The following ABLIM3 variants were observed in gnomAD, a reference collection of about 807,000 sequenced individuals.
ABLIM3 encodes actin-binding LIM protein 3.
Under a neutral mutation model 109.5 loss-of-function variants are expected in ABLIM3, and 61 were observed. The observed-to-expected ratio is 0.56, with a 90% CI of 0.45 to 0.69. The LOEUF is 0.69. Among genes scored for constraint, ABLIM3 ranks in the 30% least tolerant of loss-of-function variants. The pLI, the probability that ABLIM3 is intolerant of heterozygous loss-of-function variation, is 0.00. For synonymous variants in ABLIM3, 300 were observed against 324.8 expected (o/e 0.92, Z 0.82); for missense variants, 796 against 889.5 (o/e 0.89, Z 1.34).
chr5:149,239,178 T>C, intron 11 of ABLIM3, 70 bp from the exon 12 acceptor site: 1 of 1,501,450 alleles, frequency 6.7e-7, no homozygotes. Context: ...CCATGCTCTG[T>C]CCTTCGTCTC....
At chr5:149,180,812 C>G (rs1305335706) in intron 2 of ABLIM3, among the ~76,000 whole-genome samples, 2 of 152,166 alleles carry the variant, frequency 1.3e-5, no homozygotes, top group Non-Finnish European at 2.9e-5. Flanking sequence ...CTACTGCAGC[C>G]CCAGAAAATT....
At chr5:149,156,237 CT>C (rs1179582245) in intron 2 of ABLIM3, among the ~76,000 whole-genome samples, 6 of 152,328 alleles carry the variant, frequency 3.9e-5, no homozygotes, top group South Asian at 2.1e-4. Context: ...AGAAGTTGAG[CT>C]ATAGAATCAG....
chr5:149,252,874 G>A, intron 23 of ABLIM3, 37 bp downstream of exon 23: 1 of 1,558,996 alleles, frequency 6.4e-7, no homozygotes, highest in Non-Finnish European at 8.8e-7. Flanking sequence ...TCTTGGGTTG[G>A]AAGAAATTTC....
intron 22 of ABLIM3, 136 bp from the exon 23 acceptor site, chr5:149,252,621 G>A (rs1754040808): frequency 4.2e-6 from 3 of 705,972 alleles, no homozygotes; most frequent in Non-Finnish European, 4.9e-6. Context: ...CCCAAGAAGG[G>A]CAGATCCAGC....
chr5:149,144,206 A>C (rs910209849), intron 2 of ABLIM3, among the ~76,000 whole-genome samples: 4 of 152,330 alleles, frequency 2.6e-5, no homozygotes, highest in African/African-American at 9.6e-5. Context: ...TGAACAGAGG[A>C]GAATGGCTCA....
At chr5:149,234,034 A>G (rs1430028779) in intron 10 of ABLIM3, among the ~76,000 whole-genome samples, 1 of 152,236 alleles carries the variant, frequency 6.6e-6, no homozygotes, top group Non-Finnish European at 1.5e-5. Flanking sequence ...GGAAATGGTG[A>G]TGAACTACAC....
intron 8 of ABLIM3, chr5:149,220,492 T>G (rs1760532537): frequency 6.6e-6 from 1 of 152,064 alleles, no homozygotes; most frequent in Non-Finnish European, 1.5e-5. Flanking sequence ...CCTGAAAGGA[T>G]GCTAAGTGAT....
At chr5:149,158,365 T>C (rs887470633) in intron 2 of ABLIM3, among the ~76,000 whole-genome samples, 1 of 152,158 alleles carries the variant, frequency 6.6e-6, no homozygotes, top group Non-Finnish European at 1.5e-5. Context: ...AAAAAGTTAA[T>C]ATGGCAGAAA....
chr5:149,183,972 T>TG (rs1491546144), intron 3 of ABLIM3, among the ~76,000 whole-genome samples: 7 of 54,566 alleles, frequency 1.3e-4, no homozygotes, highest in South Asian at 1.2e-3. Flanking sequence ...TGTTTTTTGG[T>TG]TTTTTTTTTT....
intron 11 of ABLIM3, among the ~76,000 whole-genome samples, chr5:149,238,744 C>G (rs186561264): frequency 6.6e-6 from 1 of 152,198 alleles, no homozygotes; most frequent in African/African-American, 2.4e-5. Flanking sequence ...CCTCTTCAGT[C>G]GAGACATCCC....
intron 7 of ABLIM3, among the ~76,000 whole-genome samples, chr5:149,215,058 A>G (rs558202919): frequency 2.6e-5 from 4 of 152,154 alleles, no homozygotes; most frequent in African/African-American, 7.2e-5. Context: ...TTTCAACACC[A>G]TCCAAGACTG....
intron 5 of ABLIM3, chr5:149,200,649 G>T (rs1758406353): frequency 3.5e-6 from 2 of 567,150 alleles, no homozygotes; most frequent in East Asian, 5.8e-5. Context: ...AACAGTGGTA[G>T]CCAGTGCCAA....
chr5:149,182,808 G>T (rs1216886915), intron 2 of ABLIM3, among the ~76,000 whole-genome samples: 1 of 152,026 alleles, frequency 6.6e-6, no homozygotes, highest in Non-Finnish European at 1.5e-5. Context: ...TTTCTTAATT[G>T]TATACATGTA....
At chr5:149,145,307 G>A (rs1049065991) in intron 2 of ABLIM3, among the ~76,000 whole-genome samples, 8 of 152,158 alleles carry the variant, frequency 5.3e-5, no homozygotes, top group African/African-American at 1.9e-4. Flanking sequence ...CTATGTTGCT[G>A]CAAAGGACAT....
intron 2 of ABLIM3, among the ~76,000 whole-genome samples, chr5:149,169,064 C>T (rs1319120315): frequency 1.4e-5 from 2 of 139,254 alleles, no homozygotes; most frequent in African/African-American, 6.5e-5. Context: ...AGTTCCTTCC[C>T]ACCACTGACT....
chr5:149,246,317 G>A (rs1242719399), intron 16 of ABLIM3, among the ~76,000 whole-genome samples, 165 bp from the exon 17 acceptor site: 1 of 152,090 alleles, frequency 6.6e-6, no homozygotes, highest in Non-Finnish European at 1.5e-5. Context: ...AGGCAGCAGA[G>A]ACCACTTTCA....
intron 5 of ABLIM3, 42 bp from the exon 6 acceptor site, chr5:149,206,966 G>C (rs749668110): frequency 6.3e-7 from 1 of 1,595,636 alleles, no homozygotes; most frequent in South Asian, 1.1e-5. Context: ...GGGGTTAAAG[G>C]GCCCAGGGTG....
intron 19 of ABLIM3, 131 bp downstream of exon 19, chr5:149,249,975 C>T: frequency 8.8e-7 from 1 of 1,140,828 alleles, no homozygotes. Context: ...CTCAAATAGT[C>T]TACTCCATTG....
chr5:149,216,766 C>T lies in ABLIM3; in HGVS notation c.670-193C>T. The T allele has an allele frequency of 6.8e-6, 4 of 586,882 alleles. No homozygotes were observed. In the South Asian group the frequency reaches 8.5e-5, roughly 13 times the overall value. The allele number at this position is 586,882 out of a possible 1,614,324, so 36.4% of individuals were successfully genotyped here. The stretch of plus-strand genomic sequence containing the variant: ...AGTCCCCTGAACTGCCATCAGGGAT[C>T]CATGGAGTGAATCACGAAGCTTCCC... On this transcript the variant is annotated intron_variant, in intron 7 of 23. Transcript: ENST00000309868.
Sources: gnomAD v4.1 joint callset for allele counts (sites outside exome capture counted in the v4.1 genomes callset) on GRCh38, gnomAD v4.1.1 for gene constraint, MANE v1.5 for transcripts, NCBI Gene and HGNC (gene_info 2026-07-23, HGNC 2026-07-21) for gene names.